Variants in MYH2 observed in about 807,000 individuals in gnomAD.
MYH2 encodes myosin-2.
A neutral mutation model predicts 228.1 loss-of-function variants in MYH2; 139 were observed. The observed-to-expected ratio is 0.61, with a 90% CI of 0.53 to 0.70. The LOEUF is 0.70. MYH2 is among the 30% of genes least tolerant of loss of function. MYH2 has a pLI of 0.00. For synonymous variants in MYH2, 796 were observed against 871.1 expected, an observed-to-expected ratio of 0.91 and a Z score of 1.52; for missense variants, 1,809 against 2,357.5, an observed-to-expected ratio of 0.77 and a Z score of 4.82.
At chr17:10,534,466 G>A (rs2073459486) in intron 19 of MYH2, among the ~76,000 whole-genome samples, 3 of 152,102 alleles carry the variant, frequency 2.0e-5, no homozygotes, top group Admixed American at 6.5e-5. Context: ...GTGTTTTTGC[G>A]AGGATTAAAC....
Position 10,534,949 on chromosome 17 carries a change from A to G in MYH2, c.2180+124T>C. 2.4e-6 allele frequency: 3 copies of G among 1,243,382 alleles called. No homozygotes were observed. In the Admixed American group the frequency reaches 5.2e-5, roughly 22 times the overall value. The allele number at this position is 1,243,382 out of a possible 1,614,324, so 77.0% of individuals were successfully genotyped here. A position where few individuals can be genotyped will look rare whatever the true frequency, so the allele number is the denominator to read the frequency against. On this transcript the variant is annotated intron_variant, in intron 19 of 39. Coordinates refer to ENST00000245503, the MANE Select transcript of MYH2 (RefSeq NM_017534.6). ...AAGTGTTCGAGACTTGAGACTTGTA[A>G]TTTTTTTACTTCTTTTTGTGACAAA... is the stretch of plus-strand genomic sequence containing the variant.
chr17:10,535,276 A>G lies in MYH2; in HGVS notation c.2062+2T>C. 6.2e-7 allele frequency: 1 copy of G among 1,614,072 alleles called. No homozygotes were observed. On this transcript the variant is annotated splice_donor_variant, in intron 18 of 39. Coordinates refer to ENST00000245503, the MANE Select transcript of MYH2 (RefSeq NM_017534.6). LOFTEE classifies it high-confidence loss of function. ...TTGCACTTTCATTATGGAATTTCTT[A>G]CCAGGAGTTTTTGTCTCATTGGGGA...
chr17:10,537,680 G>A lies in MYH2; in HGVS notation c.1572C>T (p.Ile524=). The change falls in exon 15 of 40, where the codon ATC becomes ATT. Residue 524 remains isoleucine (I), a synonymous_variant. Transcript: ENST00000245503. This position sits in a 1 kb window ranked among gnomAD's most constrained non-coding sequence, Gnocchi z 4.0. ...IDFGMDLAAC[I]ELIEKPMGIF... ...CAAAACCAACCTTCTCGATGAGCTCGATGCAGGCAGCCAGGTCCATCCCGA... is the reference window on the plus strand; with the variant it reads ...CAAAACCAACCTTCTCGATGAGCTCAATGCAGGCAGCCAGGTCCATCCCGA... 2 of 1,614,118 alleles carry A rather than the reference G, an allele frequency of 1.2e-6. No individual in the cohort carries two copies. The highest frequency in any genetic ancestry group is 1.7e-6 in the Non-Finnish European group (2 of 1,180,030).
chr17:10,535,091 T>C lies in MYH2; in HGVS notation c.2162A>G (p.Tyr721Cys), dbSNP rs2073467691. ...AACTGACCTCTGTTTGAAGTCTGCA[T>C]AAAGGATTCTGCTTGGAAATCCTTT... ...CRKGFPSRIL[Y>C]ADFKQRYKVL... Residue 721 changes from tyrosine to cysteine, a missense_variant, in exon 19 of 40, where the codon TAT (tyrosine) becomes TGT (cysteine). Tyr to Cys is a radical substitution (Grantham distance 194). Coordinates refer to ENST00000245503, the MANE Select transcript of MYH2 (RefSeq NM_017534.6). 1 of 1,614,158 alleles carries C rather than the reference T, an allele frequency of 6.2e-7. No individual in the cohort carries two copies. The highest frequency in any genetic ancestry group is 8.5e-7 in the Non-Finnish European group (1 of 1,179,982).
rs774351588 is a variant in MYH2 at position 10,537,085 on chromosome 17, A to C, written c.1897+148T>G. On this transcript the variant is annotated intron_variant, in intron 16 of 39. Coordinates refer to ENST00000245503, the MANE Select transcript of MYH2 (RefSeq NM_017534.6). This position sits in a 1 kb window ranked among gnomAD's most constrained non-coding sequence, Gnocchi z 4.0. Reference sequence around the variant, plus strand: ...CAGCAGTGGAGTGAGCCACAAATGTATAATTACAAGGCTGCCTATCTATTC... The same window carrying C: ...CAGCAGTGGAGTGAGCCACAAATGTCTAATTACAAGGCTGCCTATCTATTC... The C allele has an allele frequency of 1.4e-4, 151 of 1,086,972 alleles. No homozygotes were observed. The highest frequency in any genetic ancestry group is 2.0e-4 in the Non-Finnish European group (143 of 721,882). 67.3% of individuals were successfully genotyped at this position (1,086,972 alleles called of 1,614,324 possible). A position where few individuals can be genotyped will look rare whatever the true frequency, so the allele number is the denominator to read the frequency against.
At chr17:10,542,277 A>G (rs1567736015) in intron 10 of MYH2, among the ~76,000 whole-genome samples, 1 of 151,984 alleles carries the variant, frequency 6.6e-6, no homozygotes, top group Non-Finnish European at 1.5e-5. Flanking sequence ...CCATCTCAAC[A>G]AACAAACAAA....
rs1279575134 is a variant in MYH2 at position 10,542,921 on chromosome 17, A to G, written c.858T>C (p.Tyr286=). The G allele has an allele frequency of 1.2e-6, 2 of 1,612,744 alleles. No homozygotes were observed. The highest frequency in any genetic ancestry group is 1.1e-5 in the South Asian group (1 of 91,018). Residue 286 remains tyrosine, a synonymous_variant, in exon 10 of 40, where the codon TAT becomes TAC. Coordinates refer to ENST00000245503, the MANE Select transcript of MYH2 (RefSeq NM_017534.6). ...TCGATGTAATCTGGTAAAAAATATG[A>G]TAACTTCTCTCAGCCTTAAGCTGGA... The part of the protein sequence containing the change: ...VVFQLKAERS[Y]HIFYQITSNK...
At position 10,529,010 on chromosome 17, in the gene MYH2, G is replaced by A. The variant is rs752906702; in HGVS notation, c.3424C>T (p.Arg1142Cys). The A allele has an allele frequency of 1.5e-5, 25 of 1,614,072 alleles. No homozygotes were observed. The highest frequency in any genetic ancestry group is 5.5e-5 in the South Asian group (5 of 91,084). Residue 1142 changes from arginine (R) to cysteine (C), a missense_variant, in exon 27 of 40, where the codon CGC becomes TGC. Physicochemically the swap from Arg to Cys is radical, Grantham distance 180. This residue lies in a region of MYH2 where 636 missense variants were observed against 729.9 expected (regional missense o/e 0.87). Coordinates refer to ENST00000245503, the MANE Select transcript of MYH2 (RefSeq NM_017534.6). ...TCCAGCTCCCGGGAGAGGTCAGAGC[G>A]CTGCTTCTCTGCTTTGGCCCGGGAG... ...RASRAKAEKQ[R>C]SDLSRELEEI...
In MYH2 at chr17:10,529,828, A is replaced by T; in HGVS notation, c.2940+4T>A. ...TATACAGTACTGTAGAATATGATTG[A>T]TACCTTGTTTTCTGTGGCATGTTTC... On this transcript the variant is annotated splice_donor_region_variant and intron_variant, in intron 23 of 39. Coordinates refer to ENST00000245503, the MANE Select transcript of MYH2 (RefSeq NM_017534.6). 6.2e-7 allele frequency: 1 copy of T among 1,613,970 alleles called. No individual in the cohort carries two copies.
At chr17:10,527,973 A>G (rs1468496285) in intron 27 of MYH2, 99 bp from the exon 28 acceptor site, 4 of 1,383,878 alleles carry the variant, frequency 2.9e-6, no homozygotes, top group Non-Finnish European at 4.0e-6. Flanking sequence ...AAAAAATACA[A>G]TATTTATCTT....
In MYH2 at chr17:10,535,307, C is replaced by T; in HGVS notation, c.2033G>A (p.Cys678Tyr). The change falls in exon 18 of 40, where the codon TGT becomes TAT. Residue 678 changes from cysteine (C) to tyrosine (Y), a missense_variant. Cys to Tyr is a radical substitution (Grantham distance 194). Transcript: ENST00000245503. ...AGTTTTTGTCTCATTGGGGATGATA[C>T]ACCTCACAAAGTGAGGATGGGTACT... ...LRSTHPHFVR[C>Y]IIPNETKTPG... 1.9e-6 allele frequency: 3 copies of T among 1,614,176 alleles called. No individual in the cohort carries two copies. Among genetic ancestry groups the T allele is most frequent in the East Asian group, 2.2e-5 (1 of 44,866 alleles).
intron 4 of MYH2, among the ~76,000 whole-genome samples, chr17:10,547,155 C>T (rs906832095): frequency 1.3e-5 from 2 of 152,066 alleles, no homozygotes; most frequent in South Asian, 2.1e-4. Flanking sequence ...GATGATTCTG[C>T]GGCTGGAGTG....
chr17:10,528,158 C>T (rs1023181939), intron 27 of MYH2, among the ~76,000 whole-genome samples: 5 of 151,566 alleles, frequency 3.3e-5, no homozygotes, highest in Non-Finnish European at 7.4e-5. Flanking sequence ...ATTCTCCTGC[C>T]TCAGCCTCCT....
intron 2 of MYH2, among the ~76,000 whole-genome samples, chr17:10,548,952 A>C (rs1018985119): frequency 6.6e-6 from 1 of 152,212 alleles, no homozygotes; most frequent in Non-Finnish European, 1.5e-5. Flanking sequence ...AGCACTCGGC[A>C]TTGTGTAAGG....
rs751694440 is a variant in MYH2, at chr17:10,523,501, C to A, written c.5467G>T (p.Ala1823Ser). The change falls in exon 37 of 40, where the codon GCC (alanine) becomes TCC (serine). Residue 1823 changes from alanine (A) to serine (S), a missense_variant. Around this residue, in one of 9 missense-constraint regions of MYH2, gnomAD observed 278 missense variants for 308.5 expected, o/e 0.90. Transcript: ENST00000245503. ...ACAGATATTGGGAGACCCACCCTGG[C>A]CTCCAGTTTCTGGATCTGCTTCTTC... is the stretch of plus-strand genomic sequence containing the variant. Reference protein sequence around the residue: ...GGKKQIQKLEARVRELEGEVE... With the variant: ...GGKKQIQKLESRVRELEGEVE... 1 of 1,614,194 alleles carries A rather than the reference C, an allele frequency of 6.2e-7. No individual in the cohort carries two copies. Among genetic ancestry groups the A allele is most frequent in the Admixed American group, 1.7e-5 (1 of 60,032 alleles).
In MYH2 at chr17:10,531,760, G is replaced by A; in HGVS notation, c.2570C>T (p.Thr857Ile). ...KSAETEKEMATMKEEFQKIKD... is the reference protein window; with the variant it reads ...KSAETEKEMAIMKEEFQKIKD... The stretch of plus-strand genomic sequence containing the variant: ...AATTTTCTGAAATTCTTCCTTCATG[G>A]TGGCCATCTCCTTCTCAGTTTCTGC... Residue 857 changes from threonine to isoleucine, a missense_variant, in exon 22 of 40, where the codon ACC becomes ATC. Physicochemically the swap from Thr to Ile is moderately conservative, Grantham distance 89. Coordinates refer to ENST00000245503, the MANE Select transcript of MYH2 (RefSeq NM_017534.6). The A allele has an allele frequency of 6.2e-7, 1 of 1,613,974 alleles. No homozygotes were observed. The highest frequency in any genetic ancestry group is 2.2e-5 in the East Asian group (1 of 44,864).
In MYH2 at chr17:10,535,374, C is replaced by G. The variant is rs3744566; in HGVS notation, c.1975-9G>C. 1.1e-4 allele frequency: 182 copies of G among 1,611,738 alleles called. 1 individual carries two copies. Among genetic ancestry groups the G allele is most frequent in the Admixed American group, 6.7e-5 (4 of 59,972 alleles). On this transcript the variant is annotated splice_polypyrimidine_tract_variant and intron_variant, in intron 17 of 39. Coordinates refer to ENST00000245503, the MANE Select transcript of MYH2 (RefSeq NM_017534.6). The stretch of plus-strand genomic sequence containing the variant: ...AGCTTGTTCAAATTCTCCTGTAAAA[C>G]CAGGAAAAATCCTGTCATTTTAGGC...
chr17:10,541,131 T>C (rs2073548239), intron 10 of MYH2, among the ~76,000 whole-genome samples: 1 of 152,112 alleles, frequency 6.6e-6, no homozygotes, highest in African/African-American at 2.4e-5. Flanking sequence ...CAATATGAAA[T>C]CTGGGCACCT....
chr17:10,531,991 CT>C (rs2073430226), intron 21 of MYH2, 103 bp from the exon 22 acceptor site: 1 of 1,422,816 alleles, frequency 7.0e-7, no homozygotes, highest in Non-Finnish European at 9.7e-7. Context: ...TCCTACTCTG[CT>C]TTCAAACATG....
Sources: gnomAD v4.1 joint callset for allele counts (sites outside exome capture counted in the v4.1 genomes callset) on GRCh38, gnomAD v4.1.1 for gene constraint, gnomAD v4.1.1 regional missense constraint, Gnocchi (gnomAD v3.1) non-coding constraint, MANE v1.5 for transcripts, NCBI Gene and HGNC (gene_info 2026-07-23, HGNC 2026-07-21) for gene names.